CNTNAP5: variants seen among roughly 807,000 people sequenced by gnomAD.
CNTNAP5 encodes the protein contactin associated protein family member 5, also known as contactin-associated protein-like 5.
Under a neutral mutation model 150.2 loss-of-function variants are expected in CNTNAP5, and 72 were observed. That is an observed-to-expected ratio of 0.48 (90% CI 0.40 to 0.58). The LOEUF (loss-of-function observed/expected upper bound fraction) is 0.58, where lower values mean the gene tolerates loss of function less well. Ranked by LOEUF, CNTNAP5 falls within the 20% of genes least tolerant of loss-of-function variation. The pLI is 0.00. For missense variants in CNTNAP5, 1,636 were observed against 1,626.2 expected, an observed-to-expected ratio of 1.01 and a Z score of -0.10; for synonymous variants, 672 against 619.8, an observed-to-expected ratio of 1.08 and a Z score of -1.25.
intron 3 of CNTNAP5, among the ~76,000 whole-genome samples, chr2:124,384,514 G>A (rs968032481): frequency 6.6e-6 from 1 of 152,110 alleles, no homozygotes; most frequent in African/African-American, 2.4e-5. Context: ...TGTATACATG[G>A]TTCTTTAGAT....
At chr2:124,262,505 A>G (rs531182087) in intron 3 of CNTNAP5, among the ~76,000 whole-genome samples, 1 of 152,294 alleles carries the variant, frequency 6.6e-6, no homozygotes, top group African/African-American at 2.4e-5. Context: ...AAATTCAGAG[A>G]GAAATATTAG....
chr2:124,450,376 CA>C (rs1321490116), intron 6 of CNTNAP5, among the ~76,000 whole-genome samples: 1 of 151,398 alleles, frequency 6.6e-6, no homozygotes, highest in African/African-American at 2.4e-5. Flanking sequence ...GTAATAATGG[CA>C]AGAAAAGGTA....
chr2:124,210,849 G>T (rs562662070), intron 1 of CNTNAP5, among the ~76,000 whole-genome samples: 2 of 151,684 alleles, frequency 1.3e-5, no homozygotes, highest in East Asian at 1.9e-4. Context: ...TAACATATTC[G>T]CATTTTAAAA....
At chr2:124,515,785 G>T (rs912086357) in intron 8 of CNTNAP5, among the ~76,000 whole-genome samples, 4 of 152,186 alleles carry the variant, frequency 2.6e-5, no homozygotes, top group African/African-American at 7.2e-5. Flanking sequence ...TGAACACATG[G>T]TCCAGCTGGA....
At chr2:124,401,840 C>T (rs1368718187) in intron 3 of CNTNAP5, among the ~76,000 whole-genome samples, 1 of 152,090 alleles carries the variant, frequency 6.6e-6, no homozygotes, top group Non-Finnish European at 1.5e-5. Context: ...GGGCACTGCC[C>T]CTACGGGAAG....
chr2:124,733,129 C>T (rs921806680), intron 13 of CNTNAP5, among the ~76,000 whole-genome samples: 4 of 151,552 alleles, frequency 2.6e-5, no homozygotes, highest in Non-Finnish European at 5.9e-5. Flanking sequence ...ATGTTAATAC[C>T]TCCATGTGTA....
intron 2 of CNTNAP5, among the ~76,000 whole-genome samples, chr2:124,222,880 A>G (rs1686359965): frequency 6.6e-6 from 1 of 152,054 alleles, no homozygotes; most frequent in Non-Finnish European, 1.5e-5. Flanking sequence ...TTTCTATTAA[A>G]ATGGGATTCA....
intron 13 of CNTNAP5, among the ~76,000 whole-genome samples, chr2:124,719,636 C>T (rs1382672163): frequency 6.6e-6 from 1 of 152,160 alleles, no homozygotes; most frequent in Non-Finnish European, 1.5e-5. Context: ...AATAGTTTCT[C>T]TTGTGGTCCT....
At chr2:124,467,437 G>A (rs780499710) in intron 6 of CNTNAP5, among the ~76,000 whole-genome samples, 8 of 152,094 alleles carry the variant, frequency 5.3e-5, no homozygotes, top group Non-Finnish European at 8.8e-5. Context: ...ACAATAACTC[G>A]GCCAGCCCAA....
chr2:124,275,699 T>G (rs1394152108), intron 3 of CNTNAP5, among the ~76,000 whole-genome samples: 1 of 152,144 alleles, frequency 6.6e-6, no homozygotes, highest in African/African-American at 2.4e-5. Context: ...AGAGTACCTC[T>G]TTACCATGGT....
chr2:124,816,633 A>T (rs553695600), intron 19 of CNTNAP5, among the ~76,000 whole-genome samples: 7 of 151,878 alleles, frequency 4.6e-5, no homozygotes, highest in Middle Eastern at 3.4e-3. Context: ...GCCCACTGCC[A>T]CACCTGGCTA....
At chr2:124,451,019 C>T (rs527385874) in intron 6 of CNTNAP5, among the ~76,000 whole-genome samples, 25 of 89,812 alleles carry the variant, frequency 2.8e-4, no homozygotes, top group African/African-American at 1.1e-3. Context: ...CAGAATAGGA[C>T]CATGTCTCTT....
intron 1 of CNTNAP5, among the ~76,000 whole-genome samples, chr2:124,158,220 T>A (rs547104403): frequency 6.6e-6 from 1 of 152,258 alleles, no homozygotes; most frequent in East Asian, 1.9e-4. Context: ...TGGAAAACAT[T>A]ATCCATAGCC....
rs1161869410 is a variant in CNTNAP5, at chr2:124,148,774, CAT to C, written c.83-72928_83-72927del. On this transcript the variant is annotated intron_variant, in intron 1 of 23. Coordinates refer to ENST00000682447, the MANE Select transcript of CNTNAP5 (RefSeq NM_001367498.1). ...TATTGTATATATATTTGCGTGTGCA[CAT>C]ATGTGTGTATACATATATGTGTGTA... Among the ~76,000 whole-genome samples, 51 of 149,724 alleles carry C rather than the reference CAT, an allele frequency of 3.4e-4. 1 individual carries two copies. Among genetic ancestry groups the C allele is most frequent in the African/African-American group, 3.4e-4 (14 of 40,846 alleles).
At chr2:124,319,546 T>C (rs932526334) in intron 3 of CNTNAP5, among the ~76,000 whole-genome samples, 1 of 152,226 alleles carries the variant, frequency 6.6e-6, no homozygotes, top group South Asian at 2.1e-4. Flanking sequence ...ATGTGTTTGG[T>C]GTGTGTTTGT....
intron 1 of CNTNAP5, among the ~76,000 whole-genome samples, chr2:124,147,410 C>A (rs939812007): frequency 6.6e-5 from 10 of 152,020 alleles, no homozygotes; most frequent in African/African-American, 1.7e-4. Context: ...TCATACAAAG[C>A]GGAATAAAGA....
chr2:124,392,646 G>T (rs546199012), intron 3 of CNTNAP5, among the ~76,000 whole-genome samples: 4 of 105,294 alleles, frequency 3.8e-5, no homozygotes, highest in African/African-American at 1.5e-4. Flanking sequence ...TATGACATTT[G>T]AATAAATCTG....
At chr2:124,348,745 A>G (rs1324524521) in intron 3 of CNTNAP5, among the ~76,000 whole-genome samples, 2 of 152,074 alleles carry the variant, frequency 1.3e-5, no homozygotes, top group African/African-American at 2.4e-5. Flanking sequence ...ACATATTTGT[A>G]TTTGTAATTT....
chr2:124,845,954 A>G (rs1036730017), intron 19 of CNTNAP5, among the ~76,000 whole-genome samples: 3 of 146,272 alleles, frequency 2.1e-5, no homozygotes, highest in South Asian at 2.1e-4. Context: ...TTTTTCATCT[A>G]TCTTCTGTAT....
Sources: allele counts gnomAD v4.1 joint callset (sites outside exome capture counted in the v4.1 genomes callset), GRCh38; gene constraint gnomAD v4.1.1; transcripts MANE v1.5; gene names NCBI Gene and HGNC (gene_info 2026-07-23, HGNC 2026-07-21).